Variants in CDC42BPB observed in about 807,000 individuals in gnomAD.
The protein encoded by CDC42BPB is serine/threonine-protein kinase MRCK beta.
In CDC42BPB, 37 loss-of-function variants were observed where a neutral mutation model predicts 214.9. That is an observed-to-expected ratio of 0.17 (90% CI 0.13 to 0.23). The LOEUF (loss-of-function observed/expected upper bound fraction) is 0.23, where lower values mean the gene tolerates loss of function less well. CDC42BPB is among the 10% of genes least tolerant of loss of function. CDC42BPB has a pLI of 1.00. For missense variants in CDC42BPB, 1,694 were observed against 2,227.0 expected (o/e 0.76, Z 4.82); for synonymous variants, 931 against 884.0 (o/e 1.05, Z -0.94).
intron 5 of CDC42BPB, among the ~76,000 whole-genome samples, chr14:102,990,062 G>A (rs1215818624): frequency 6.6e-6 from 1 of 152,118 alleles, no homozygotes; most frequent in Non-Finnish European, 1.5e-5. Flanking sequence ...GGATAAAGAA[G>A]GGGCGACGCT....
rs34631462 is a variant in CDC42BPB, at chr14:102,996,011, A to G, written c.596+3554T>C. ...AAAATTACATATTTTGATGTCTACTATGCCCGGACGTCAAACGACTGAGCA... is the reference window on the plus strand; with the variant it reads ...AAAATTACATATTTTGATGTCTACTGTGCCCGGACGTCAAACGACTGAGCA... On this transcript the variant is annotated intron_variant, in intron 5 of 36. Coordinates refer to ENST00000361246, the MANE Select transcript of CDC42BPB (RefSeq NM_006035.4). 6.1e-3 allele frequency among the ~76,000 whole-genome samples: 922 copies of G among 152,362 alleles called. 12 individuals are homozygous for G. Among genetic ancestry groups the G allele is most frequent in the African/African-American group, 0.021 (871 of 41,592 alleles).
chr14:102,943,676 A>C lies in CDC42BPB; in HGVS notation c.4408+215T>G. The C allele has an allele frequency of 7.2e-6, 4 of 555,042 alleles. No individual in the cohort carries two copies. Among genetic ancestry groups the C allele is most frequent in the Non-Finnish European group, 1.3e-5 (4 of 316,290 alleles). The allele number at this position is 555,042 out of a possible 1,614,324, so 34.4% of individuals were successfully genotyped here. On this transcript the variant is annotated intron_variant, in intron 30 of 36. Transcript: ENST00000361246. This position sits in a 1 kb window ranked among gnomAD's most constrained non-coding sequence, Gnocchi z 4.6. Reference sequence around the variant, plus strand: ...CTGGAAGAACCGGCCCCATGTGCTCAGGGAGAGAGGTTGCTGAGCCCGCCT... The same window carrying C: ...CTGGAAGAACCGGCCCCATGTGCTCCGGGAGAGAGGTTGCTGAGCCCGCCT...
At chr14:102,994,954 G>A (rs746638799) in intron 5 of CDC42BPB, among the ~76,000 whole-genome samples, 6 of 152,178 alleles carry the variant, frequency 3.9e-5, no homozygotes, top group Admixed American at 6.5e-5. Flanking sequence ...CACTCTGACC[G>A]CCAGATCTTC....
chr14:103,022,136 G>A (rs1437944437), intron 1 of CDC42BPB, among the ~76,000 whole-genome samples: 1 of 152,170 alleles, frequency 6.6e-6, no homozygotes, highest in East Asian at 1.9e-4. Flanking sequence ...GCTTCGACAT[G>A]AGGTGGCTGC....
chr14:102,948,011 G>T (rs529087311), intron 26 of CDC42BPB: 1 of 972,422 alleles, frequency 1.0e-6, no homozygotes, highest in Non-Finnish European at 1.2e-6. Context: ...TAGGGATGCC[G>T]CAAGGGAAAC....
chr14:102,946,295 T>C (rs554636335), intron 28 of CDC42BPB, among the ~76,000 whole-genome samples, 173 bp downstream of exon 28: 27 of 152,180 alleles, frequency 1.8e-4, no homozygotes, highest in Non-Finnish European at 3.2e-4. Context: ...AGTGCTGGGA[T>C]TACAGGCGTG....
Position 103,008,637 on chromosome 14 carries a change from C to G in CDC42BPB, c.268-82G>C. The G allele has an allele frequency of 3.8e-6, 6 of 1,568,930 alleles. No homozygotes were observed. In the East Asian group the frequency reaches 1.1e-4, roughly 30 times the overall value. Reference sequence around the variant, plus strand: ...GCTGGAGCTAAACTGTAGTGAAATCCTAACAGCCCAGGAGCCTGTGAAACC... The same window carrying G: ...GCTGGAGCTAAACTGTAGTGAAATCGTAACAGCCCAGGAGCCTGTGAAACC... On this transcript the variant is annotated intron_variant, in intron 2 of 36. Transcript: ENST00000361246.
intron 1 of CDC42BPB, among the ~76,000 whole-genome samples, chr14:103,043,884 ATAAT>A (rs1358327879): frequency 6.6e-6 from 1 of 152,228 alleles, no homozygotes; most frequent in African/African-American, 2.4e-5. Context: ...TTTAAAAAAA[ATAAT>A]TAAATATTTG....
chr14:103,020,429 C>A (rs955406955), intron 1 of CDC42BPB, among the ~76,000 whole-genome samples: 3 of 152,232 alleles, frequency 2.0e-5, no homozygotes, highest in African/African-American at 7.2e-5. Flanking sequence ...GGAGCAGCAC[C>A]TCCACAGCTG....
At chr14:102,935,517 T>C (rs150243351) in intron 36 of CDC42BPB, among the ~76,000 whole-genome samples, 5,950 of 152,202 alleles carry the variant, frequency 0.039, 180 homozygotes, top group Non-Finnish European at 0.058. Context: ...AGGCCGGGTA[T>C]AGTGCCTCAC....
At chr14:102,959,121 AC>A (rs1378469763) in intron 21 of CDC42BPB, among the ~76,000 whole-genome samples, 5 of 151,736 alleles carry the variant, frequency 3.3e-5, no homozygotes, top group Admixed American at 1.3e-4. Context: ...ATATGGTGAA[AC>A]CCTGTCTCTA....
At chr14:103,034,140 A>G (rs1887539998) in intron 1 of CDC42BPB, among the ~76,000 whole-genome samples, 1 of 152,224 alleles carries the variant, frequency 6.6e-6, no homozygotes, top group South Asian at 2.1e-4. Context: ...TGTTTATCTA[A>G]GTCTTCCTTT....
At chr14:102,981,418 A>G (rs921251957) in intron 7 of CDC42BPB, among the ~76,000 whole-genome samples, 3 of 152,372 alleles carry the variant, frequency 2.0e-5, no homozygotes, top group Admixed American at 6.5e-5. Flanking sequence ...CAACATGCTC[A>G]GGACTGCACT....
chr14:102,980,822 G>A lies in CDC42BPB; in HGVS notation c.1091C>T (p.Pro364Leu). The change falls in exon 8 of 37, where the codon CCC becomes CTC. Residue 364 changes from proline to leucine, a missense_variant. This residue lies in a region of CDC42BPB where 225 missense variants were observed against 459.3 expected (regional missense o/e 0.49). Transcript: ENST00000361246. ...EAPYIPDVSS[P>L]SDTSNFDVDD... ...CACGTCGAAGTTGGATGTGTCAGAG[G>A]GACTGCTCACATCAGGAATATAAGG... The A allele has an allele frequency of 6.2e-7, 1 of 1,614,108 alleles. No individual in the cohort carries two copies. Among genetic ancestry groups the A allele is most frequent in the Non-Finnish European group, 8.5e-7 (1 of 1,180,010 alleles).
At chr14:102,991,527 T>C (rs1254466343) in intron 5 of CDC42BPB, among the ~76,000 whole-genome samples, 2 of 152,364 alleles carry the variant, frequency 1.3e-5, no homozygotes, top group East Asian at 1.9e-4. Context: ...CTGGGTCAAC[T>C]GCTAAAATCT....
intron 1 of CDC42BPB, among the ~76,000 whole-genome samples, chr14:103,048,421 G>T (rs1456143840): frequency 1.3e-5 from 2 of 150,586 alleles, no homozygotes; most frequent in African/African-American, 4.9e-5. Flanking sequence ...GGGCGCGGTA[G>T]CTCACGCCTA....
chr14:102,966,368 C>T lies in CDC42BPB; in HGVS notation c.2491G>A (p.Ala831Thr). The change falls in exon 18 of 37, where the codon GCC becomes ACC. Residue 831 changes from alanine (A) to threonine (T), a missense_variant. Physicochemically the swap from Ala to Thr is moderately conservative, Grantham distance 58. Coordinates refer to ENST00000361246, the MANE Select transcript of CDC42BPB (RefSeq NM_006035.4). ...IIQWVSDEKD[A>T]RGYLQALASK... is the part of the protein sequence containing the mutation. ...GCAAGAGCTTGAAGGTAACCCCGGGCATCTTTCTCGTCACTGACCCTGGAG... is the reference window on the plus strand; with the variant it reads ...GCAAGAGCTTGAAGGTAACCCCGGGTATCTTTCTCGTCACTGACCCTGGAG... The T allele has an allele frequency of 6.2e-7, 1 of 1,613,882 alleles. No homozygotes were observed. Among genetic ancestry groups the T allele is most frequent in the Non-Finnish European group, 8.5e-7 (1 of 1,179,840 alleles).
intron 2 of CDC42BPB, among the ~76,000 whole-genome samples, chr14:103,010,242 A>G (rs1286613579): frequency 6.6e-6 from 1 of 152,218 alleles, no homozygotes; most frequent in Non-Finnish European, 1.5e-5. Flanking sequence ...AGCTGTGATC[A>G]TGCCAGCACA....
intron 1 of CDC42BPB, among the ~76,000 whole-genome samples, chr14:103,012,900 C>G (rs747414980): frequency 6.6e-6 from 1 of 152,224 alleles, no homozygotes; most frequent in Non-Finnish European, 1.5e-5. Context: ...GGTGTGTAAC[C>G]CAGGAGCAGT....
Sources: allele counts gnomAD v4.1 joint callset (sites outside exome capture counted in the v4.1 genomes callset), GRCh38; gene constraint gnomAD v4.1.1; regional missense constraint gnomAD v4.1.1; non-coding constraint Gnocchi (gnomAD v3.1); transcripts MANE v1.5; gene names NCBI Gene and HGNC (gene_info 2026-07-23, HGNC 2026-07-21).